SH3RF3: variants seen among roughly 807,000 people sequenced by gnomAD.
SH3RF3 encodes the protein E3 ubiquitin-protein ligase SH3RF3.
In SH3RF3, 29 loss-of-function variants were observed where a neutral mutation model predicts 66.3. The ratio of observed to expected loss-of-function variants is 0.44; its 90% CI spans 0.33 to 0.60. SH3RF3 has a LOEUF of 0.60. SH3RF3 is among the 20% of genes least tolerant of loss of function. The pLI is 0.04. For synonymous variants in SH3RF3, 583 were observed against 532.0 expected, an observed-to-expected ratio of 1.10 and a Z score of -1.32; for missense variants, 1,194 against 1,190.9, an observed-to-expected ratio of 1.00 and a Z score of -0.04.
At chr2:109,355,760 A>G (rs1201216315) in intron 2 of SH3RF3, among the ~76,000 whole-genome samples, 1 of 152,330 alleles carries the variant, frequency 6.6e-6, no homozygotes, top group African/African-American at 2.4e-5. Flanking sequence ...GGTCCATGCC[A>G]TGCGGATCAG....
intron 1 of SH3RF3, among the ~76,000 whole-genome samples, chr2:109,332,432 C>G (rs1025141660): frequency 1.3e-5 from 2 of 152,198 alleles, no homozygotes; most frequent in African/African-American, 4.8e-5. Flanking sequence ...GGGTGCAGGT[C>G]TTCCTGGACG....
chr2:109,273,224 G>A (rs1221226062), intron 1 of SH3RF3, among the ~76,000 whole-genome samples: 10 of 152,202 alleles, frequency 6.6e-5, no homozygotes, highest in African/African-American at 2.2e-4. Context: ...TTGCACAGTC[G>A]TCTGTTCAGT....
intron 1 of SH3RF3, among the ~76,000 whole-genome samples, chr2:109,192,930 T>C (rs1464168119): frequency 6.6e-6 from 1 of 152,200 alleles, no homozygotes; most frequent in Non-Finnish European, 1.5e-5. Context: ...TCATCATAGC[T>C]GTGGTTAAAT....
At chr2:109,473,361 G>A (rs774359235) in intron 8 of SH3RF3, among the ~76,000 whole-genome samples, 1 of 152,156 alleles carries the variant, frequency 6.6e-6, no homozygotes, top group Non-Finnish European at 1.5e-5. Flanking sequence ...AGTTGACATC[G>A]TGTTCAGAAT....
At chr2:109,182,841 A>G (rs1678100953) in intron 1 of SH3RF3, among the ~76,000 whole-genome samples, 1 of 152,212 alleles carries the variant, frequency 6.6e-6, no homozygotes, top group African/African-American at 2.4e-5. Flanking sequence ...GCCTGTTTCT[A>G]ATATATAGTT....
intron 1 of SH3RF3, among the ~76,000 whole-genome samples, chr2:109,181,925 T>C (rs1471053099): frequency 1.3e-5 from 2 of 152,200 alleles, no homozygotes; most frequent in Non-Finnish European, 2.9e-5. Flanking sequence ...GTAGTTATAT[T>C]GCCATGGCTG....
intron 1 of SH3RF3, among the ~76,000 whole-genome samples, chr2:109,257,034 C>T (rs1207552768): frequency 6.6e-6 from 1 of 152,200 alleles, no homozygotes; most frequent in Non-Finnish European, 1.5e-5. Flanking sequence ...CTGCCCTGGA[C>T]TTGCACTGTA....
chr2:109,399,074 G>T, intron 4 of SH3RF3, 131 bp downstream of exon 4: 2 of 1,104,632 alleles, frequency 1.8e-6, no homozygotes, highest in Non-Finnish European at 2.5e-6. Flanking sequence ...GGTTGAGTGG[G>T]GTTTGCCCTT....
At chr2:109,450,875 T>G (rs560617247) in intron 8 of SH3RF3, among the ~76,000 whole-genome samples, 5 of 152,234 alleles carry the variant, frequency 3.3e-5, no homozygotes, top group Admixed American at 6.5e-5. Flanking sequence ...TTGACATCTT[T>G]CCATATAAAA....
intron 7 of SH3RF3, among the ~76,000 whole-genome samples, chr2:109,438,659 C>T (rs890227768): frequency 1.3e-5 from 2 of 152,236 alleles, no homozygotes; most frequent in Admixed American, 1.3e-4. Flanking sequence ...CAAGCCCACC[C>T]TGCAACCCAT....
rs1318689372 is a variant in SH3RF3, at chr2:109,129,245, C to T, written c.-296C>T. Reference sequence around the variant, plus strand: ...CTTCGTGCCCGGCAGCACCCCCGGTCCCCCGCGCGGGGCGGACTTGCGGCG... The same window carrying T: ...CTTCGTGCCCGGCAGCACCCCCGGTTCCCCGCGCGGGGCGGACTTGCGGCG... On this transcript the variant is annotated 5_prime_UTR_variant, in exon 1 of 10. Transcript: ENST00000309415. 2 of 573,706 alleles carry T rather than the reference C, an allele frequency of 3.5e-6. No individual in the cohort carries two copies. The highest frequency in any genetic ancestry group is 8.3e-5 in the East Asian group (2 of 24,140). 35.5% of individuals were successfully genotyped at this position (573,706 alleles called of 1,614,324 possible). A position where few individuals can be genotyped will look rare whatever the true frequency, so the allele number is the denominator to read the frequency against.
rs751097699 is a variant in SH3RF3 at position 109,501,660 on chromosome 2, G to A, written c.2638G>A (p.Glu880Lys). The A allele has an allele frequency of 5.2e-6, 4 of 764,566 alleles. No homozygotes were observed. The highest frequency in any genetic ancestry group is 3.5e-5 in the Admixed American group (2 of 56,768). 47.4% of individuals were successfully genotyped at this position (764,566 alleles called of 1,614,324 possible). A position where few individuals can be genotyped will look rare whatever the true frequency, so the allele number is the denominator to read the frequency against. The part of the protein sequence containing the change: ...RTGLFPGSFV[E>K]SF Reference sequence around the variant, plus strand: ...AGGCCTCTTCCCGGGCAGCTTCGTCGAGAGCTTCTGAGAACTGGTGCTCCC... The same window carrying A: ...AGGCCTCTTCCCGGGCAGCTTCGTCAAGAGCTTCTGAGAACTGGTGCTCCC... The change falls in exon 10 of 10, where the codon GAG becomes AAG. Residue 880 changes from glutamate to lysine, a missense_variant. Glu to Lys is a moderately conservative substitution (Grantham distance 56). Transcript: ENST00000309415.
intron 8 of SH3RF3, among the ~76,000 whole-genome samples, chr2:109,466,009 T>A (rs1363247791): frequency 6.6e-6 from 1 of 151,752 alleles, no homozygotes; most frequent in African/African-American, 2.4e-5. Context: ...GGGACACAGG[T>A]TCAAACCATA....
At chr2:109,397,035 C>T (rs1441787477) in intron 3 of SH3RF3, among the ~76,000 whole-genome samples, 1 of 152,220 alleles carries the variant, frequency 6.6e-6, no homozygotes, top group Admixed American at 6.5e-5. Context: ...TCGGAAAGCC[C>T]TTTGGCCACT....
chr2:109,449,676 A>T (rs1450217004), intron 8 of SH3RF3, among the ~76,000 whole-genome samples, 187 bp downstream of exon 8: 1 of 152,202 alleles, frequency 6.6e-6, no homozygotes, highest in Non-Finnish European at 1.5e-5. Flanking sequence ...TTGGAGAGGA[A>T]TCAGGCAGGC....
chr2:109,394,280 C>T (rs1012446541), intron 3 of SH3RF3, among the ~76,000 whole-genome samples: 2 of 152,220 alleles, frequency 1.3e-5, no homozygotes, highest in African/African-American at 4.8e-5. Flanking sequence ...GGCAGCCACT[C>T]GAGGTCACAG....
At chr2:109,277,353 A>G (rs1014015616) in intron 1 of SH3RF3, among the ~76,000 whole-genome samples, 1 of 152,134 alleles carries the variant, frequency 6.6e-6, no homozygotes, top group Admixed American at 6.5e-5. Flanking sequence ...TCTCAGTGTC[A>G]TTTCATTTAC....
At chr2:109,265,564 GGGCAGGTGT>G (rs1488920046) in intron 1 of SH3RF3, among the ~76,000 whole-genome samples, 1 of 152,196 alleles carries the variant, frequency 6.6e-6, no homozygotes, top group Admixed American at 6.5e-5. Flanking sequence ...GTCTCCTTCA[GGGCAGGTGT>G]GGCTCTTCCT....
In SH3RF3 at chr2:109,129,610, GA is replaced by G; in HGVS notation, c.71del (p.Glu24GlyfsTer246). On this transcript the variant is annotated frameshift_variant, in exon 1 of 10. Transcript: ENST00000309415. LOFTEE classifies it high-confidence loss of function. ...AAAAAQSEGD[E>X]DRPGERRRRR... is the part of the protein sequence containing the mutation. ...CGCTGCTGCGCAGAGCGAGGGCGAC[GA>G]GGACAGGCCAGGCGAGCGACGGCGG... The G allele has an allele frequency of 6.7e-7, 1 of 1,481,516 alleles. No homozygotes were observed. The highest frequency in any genetic ancestry group is 8.9e-7 in the Non-Finnish European group (1 of 1,125,144). 91.8% of individuals were successfully genotyped at this position (1,481,516 alleles called of 1,614,324 possible).
Sources: gnomAD v4.1 joint callset for allele counts (sites outside exome capture counted in the v4.1 genomes callset) on GRCh38, gnomAD v4.1.1 for gene constraint, MANE v1.5 for transcripts, NCBI Gene and HGNC (gene_info 2026-07-23, HGNC 2026-07-21) for gene names.